ANKRD36C: variants seen among roughly 807,000 people sequenced by gnomAD.
The protein encoded by ANKRD36C is ankyrin repeat domain 36C, also known as ankyrin repeat domain-containing protein 36C.
Under a neutral mutation model 276.4 loss-of-function variants are expected in ANKRD36C, and 61 were observed. The ratio of observed to expected loss-of-function variants is 0.22; its 90% confidence interval spans 0.18 to 0.27. ANKRD36C has a LOEUF of 0.27. ANKRD36C is among the 10% of genes least tolerant of loss of function. ANKRD36C has a pLI of 1.00. For missense variants in ANKRD36C, 1,447 were observed against 2,032.3 expected (o/e 0.71, Z 5.54); for synonymous variants, 483 against 680.1 (o/e 0.71, Z 4.51).
intron 61 of ANKRD36C, among the ~76,000 whole-genome samples, chr2:95,858,721 A>C (rs559498746): frequency 6.6e-6 from 1 of 152,214 alleles, no homozygotes; most frequent in Non-Finnish European, 1.5e-5. Flanking sequence ...TATGAAACAT[A>C]TATCAGCAGA....
chr2:95,916,298 C>T lies in ANKRD36C; in HGVS notation c.2348-127G>A, dbSNP rs996568757. On this transcript the variant is annotated intron_variant, in intron 36 of 66. Coordinates refer to ENST00000456556, the Ensembl canonical transcript of ANKRD36C. The stretch of plus-strand genomic sequence containing the variant: ...TTAGTGGAGGCTTTGATGGCTTCTA[C>T]TTTGTGTCTGGGGACTAGAACATGA... 177 of 1,496,372 alleles carry T rather than the reference C, an allele frequency of 1.2e-4. 1 individual carries two copies. In the African/African-American group the frequency reaches 1.2e-3, roughly 10 times the overall value. The allele number at this position is 1,496,372 out of a possible 1,614,324, so 92.7% of individuals were successfully genotyped here.
intron 52 of ANKRD36C, among the ~76,000 whole-genome samples, 197 bp from the exon 73 acceptor site, chr2:95,884,565 A>G (rs971065433): frequency 2.0e-5 from 3 of 152,052 alleles, no homozygotes; most frequent in East Asian, 1.9e-4. Flanking sequence ...TGAAAAATAT[A>G]CTTACAATTT....
In ANKRD36C at chr2:95,955,398, T is replaced by A. The variant is rs559572795; in HGVS notation, c.1136+1388A>T. ...CTTCAGAACTCCTTGAATGCCATAT[T>A]CTAATATGCCTTTCTTGATAGCTCC... On this transcript the variant is annotated intron_variant, in intron 13 of 66. Coordinates refer to ENST00000456556, the Ensembl canonical transcript of ANKRD36C. Among the ~76,000 whole-genome samples the A allele has an allele frequency of 2.2e-4, 33 of 152,296 alleles. 1 individual carries two copies. In the South Asian group the frequency reaches 6.6e-3, roughly 31 times the overall value.
chr2:95,915,257 T>A (rs537320927), intron 38 of ANKRD36C, among the ~76,000 whole-genome samples: 1 of 151,330 alleles, frequency 6.6e-6, no homozygotes, highest in Non-Finnish European at 1.5e-5. Flanking sequence ...TATTCATATT[T>A]AAGTTTATCT....
At chr2:95,916,311 G>A in intron 36 of ANKRD36C, 140 bp from the exon 39 acceptor site, 2 of 1,444,906 alleles carry the variant, frequency 1.4e-6, no homozygotes, top group Non-Finnish European at 1.9e-6. Context: ...TGTGTCTGGG[G>A]ACTAGAACAT....
intron 59 of ANKRD36C, among the ~76,000 whole-genome samples, chr2:95,874,151 C>T: frequency 6.6e-6 from 1 of 152,142 alleles, no homozygotes; most frequent in East Asian, 1.9e-4. Context: ...CTCCCAAAGA[C>T]TTTCTTCACT....
intron 44 of ANKRD36C, among the ~76,000 whole-genome samples, chr2:95,892,870 T>C (rs896354283): frequency 2.0e-5 from 3 of 151,298 alleles, no homozygotes; most frequent in Non-Finnish European, 3.0e-5. Flanking sequence ...TGATGCCTAA[T>C]AGTAACAAAG....
intron 60 of ANKRD36C, among the ~76,000 whole-genome samples, chr2:95,862,776 C>T (rs1237488878): frequency 6.6e-6 from 1 of 152,044 alleles, no homozygotes; most frequent in Non-Finnish European, 1.5e-5. Context: ...GGTAGTTGGT[C>T]ATGAGAGCAA....
intron 53 of ANKRD36C, 40 bp downstream of exon 73, chr2:95,884,300 T>C (rs1676152512): frequency 6.2e-7 from 1 of 1,610,490 alleles, no homozygotes; most frequent in Non-Finnish European, 8.5e-7. Context: ...TCATAGACTA[T>C]ACAATTACTA....
chr2:95,886,072 T>C, exon 52 of ANKRD36C: 1 of 1,611,442 alleles, frequency 6.2e-7, no homozygotes, highest in Non-Finnish European at 8.5e-7. Context: ...TGTCCATCCT[T>C]TATCTCTGTG....
At chr2:95,965,422 A>C (rs1678568180) in intron 6 of ANKRD36C, among the ~76,000 whole-genome samples, 1 of 152,214 alleles carries the variant, frequency 6.6e-6, no homozygotes, top group Non-Finnish European at 1.5e-5. Flanking sequence ...TAACACTTTG[A>C]CCATTGGCCA....
At chr2:95,865,368 T>G (rs1347989606) in intron 60 of ANKRD36C, among the ~76,000 whole-genome samples, 1 of 151,986 alleles carries the variant, frequency 6.6e-6, no homozygotes, top group African/African-American at 2.4e-5. Context: ...CTAAAGTTCA[T>G]GAGAAAATGC....
chr2:95,928,846 T>G (rs1677482319), intron 26 of ANKRD36C, among the ~76,000 whole-genome samples: 2 of 151,576 alleles, frequency 1.3e-5, no homozygotes, highest in African/African-American at 4.8e-5. Context: ...CTCCAATGGT[T>G]CTTCTTCCCA....
chr2:95,897,233 G>T, intron 44 of ANKRD36C, 37 bp downstream of exon 60: 1 of 1,394,416 alleles, frequency 7.2e-7, no homozygotes, highest in South Asian at 1.3e-5. Flanking sequence ...TTATCTATCT[G>T]GACTGAACAT....
intron 59 of ANKRD36C, among the ~76,000 whole-genome samples, chr2:95,871,274 A>C (rs1405665835): frequency 1.3e-5 from 2 of 152,202 alleles, no homozygotes; most frequent in African/African-American, 4.8e-5. Flanking sequence ...GAGAAAGGTC[A>C]GGTTGCCCAC....
chr2:95,946,845 G>A (rs909855316), intron 17 of ANKRD36C, among the ~76,000 whole-genome samples: 13 of 151,810 alleles, frequency 8.6e-5, no homozygotes, highest in African/African-American at 3.1e-4. Context: ...ACTCATAGGT[G>A]GGAATTGAAC....
chr2:95,866,546 T>C (rs1467878341), intron 60 of ANKRD36C, among the ~76,000 whole-genome samples: 1 of 152,056 alleles, frequency 6.6e-6, no homozygotes, highest in Non-Finnish European at 1.5e-5. Context: ...AACATTTTAG[T>C]CATTAGGATC....
intron 12 of ANKRD36C, 85 bp downstream of exon 12, chr2:95,958,506 T>C: frequency 1.3e-6 from 2 of 1,495,408 alleles, no homozygotes; most frequent in African/African-American, 1.4e-5. Context: ...GCAGCTTCAA[T>C]GAGCCCCCTG....
At chr2:95,917,882 T>A (rs1215866618) in exon 36 of ANKRD36C, 1 of 1,606,430 alleles carries the variant, frequency 6.2e-7, no homozygotes, top group Non-Finnish European at 8.5e-7. Flanking sequence ...CCGTCCTTTA[T>A]TTCTGTGGCT....
Sources: gnomAD v4.1 joint callset for allele counts (sites outside exome capture counted in the v4.1 genomes callset) on GRCh38, gnomAD v4.1.1 for gene constraint, MANE v1.5 for transcripts, NCBI Gene and HGNC (gene_info 2026-07-23, HGNC 2026-07-21) for gene names.